Variants in ANXA5 observed in about 807,000 individuals in gnomAD.
ANXA5 encodes the protein CBP-I.
Under a neutral mutation model 48.1 loss-of-function variants are expected in ANXA5, and 40 were observed. The observed-to-expected ratio is 0.83, with a 90% CI of 0.65 to 1.08. The LOEUF is 1.08. Among genes scored for constraint, ANXA5 ranks in the 50% least tolerant of loss-of-function variants. The pLI, the probability that ANXA5 is intolerant of heterozygous loss-of-function variation, is 0.00. For synonymous variants in ANXA5, 113 were observed against 129.1 expected, an observed-to-expected ratio of 0.88 and a Z score of 0.85; for missense variants, 357 against 376.8, an observed-to-expected ratio of 0.95 and a Z score of 0.44.
At chr4:121,672,066 G>T (rs1724622808) in intron 9 of ANXA5, among the ~76,000 whole-genome samples, 1 of 152,092 alleles carries the variant, frequency 6.6e-6, no homozygotes, top group Admixed American at 6.6e-5. Flanking sequence ...AAACCAGAAA[G>T]ATCTCAGGTC....
At chr4:121,681,910 A>T (rs1724800083) in intron 5 of ANXA5, 149 bp from the exon 6 acceptor site, 1 of 564,930 alleles carries the variant, frequency 1.8e-6, no homozygotes, top group African/African-American at 1.9e-5. Flanking sequence ...TCTATTAGTT[A>T]TAGAAATAAC....
Position 121,677,948 on chromosome 4 carries a change from A to G in ANXA5, c.477T>C (p.Ala159=). The G allele has an allele frequency of 6.2e-7, 1 of 1,613,518 alleles. No homozygotes were observed. The stretch of plus-strand genomic sequence containing the variant: ...CAATTCCAGCATCAGGGTCTCTGTT[A>G]GCCTATGAGAGGTAATATGTCACAT... ...YQRMLVVLLQ[A]NRDPDAGIDE... Residue 159 remains alanine, a splice_region_variant and synonymous_variant, in exon 8 of 13, where the codon GCT becomes GCC. Coordinates refer to ENST00000296511, the MANE Select transcript of ANXA5 (RefSeq NM_001154.4).
At chr4:121,687,526 A>G (rs13151539) in intron 2 of ANXA5, among the ~76,000 whole-genome samples, 66,609 of 151,998 alleles carry the variant, frequency 0.44, 16,199 homozygotes, top group East Asian at 0.73. Context: ...ACAATCTTAC[A>G]TGTCTTATTA....
chr4:121,676,862 A>G (rs1392555181), intron 8 of ANXA5, among the ~76,000 whole-genome samples: 1 of 152,150 alleles, frequency 6.6e-6, no homozygotes, highest in African/African-American at 2.4e-5. Context: ...CTTGTAACCC[A>G]TTCAGGAACC....
intron 10 of ANXA5, among the ~76,000 whole-genome samples, chr4:121,671,001 C>T (rs995343650): frequency 6.6e-6 from 1 of 152,104 alleles, no homozygotes; most frequent in Non-Finnish European, 1.5e-5. Context: ...CTTTGGAGTA[C>T]ATAATACTGC....
rs1724734698 is a variant in ANXA5, at chr4:121,678,475, T to C, written c.414A>G (p.Glu138=). ...CTGAAGTGTCCCCCACCACGTCATC[T>C]TCCAGGCTTGAGCCATATTCTGCAA... ...VYEEEYGSSL[E]DDVVGDTSGY... is the part of the protein sequence containing the mutation. The change falls in exon 7 of 13, where the codon GAA becomes GAG. Residue 138 remains glutamate (E), a synonymous_variant. Transcript: ENST00000296511. 1 of 1,613,768 alleles carries C rather than the reference T, an allele frequency of 6.2e-7. No individual in the cohort carries two copies. Among genetic ancestry groups the C allele is most frequent in the Non-Finnish European group, 8.5e-7 (1 of 1,179,820 alleles).
In ANXA5 at chr4:121,686,384, A is replaced by C. The variant is rs1276285875; in HGVS notation, c.10-12T>G. On this transcript the variant is annotated splice_polypyrimidine_tract_variant and intron_variant, in intron 2 of 12. Coordinates refer to ENST00000296511, the MANE Select transcript of ANXA5 (RefSeq NM_001154.4). Reference sequence around the variant, plus strand: ...GTGCCTCTGAGAACCTAATTCACGAAACACAGTGGTATTATTCATATCATG... The same window carrying C: ...GTGCCTCTGAGAACCTAATTCACGACACACAGTGGTATTATTCATATCATG... 1.9e-6 allele frequency: 3 copies of C among 1,603,086 alleles called. No individual in the cohort carries two copies. The highest frequency in any genetic ancestry group is 2.6e-6 in the Non-Finnish European group (3 of 1,170,034).
chr4:121,688,028 C>T (rs889987021), intron 2 of ANXA5, among the ~76,000 whole-genome samples: 3 of 152,062 alleles, frequency 2.0e-5, no homozygotes, highest in Admixed American at 1.3e-4. Flanking sequence ...AGAGCCTTTG[C>T]GAGATAATTA....
At chr4:121,681,018 T>C (rs755018143) in intron 6 of ANXA5, among the ~76,000 whole-genome samples, 2 of 152,132 alleles carry the variant, frequency 1.3e-5, no homozygotes, top group Non-Finnish European at 2.9e-5. Flanking sequence ...CTGACCCTCC[T>C]CAGTCAGGCA....
intron 1 of ANXA5, 108 bp from the exon 2 acceptor site, chr4:121,696,732 C>T: frequency 3.1e-6 from 2 of 647,876 alleles, no homozygotes; most frequent in South Asian, 7.2e-5. Context: ...CGGAGGGCCC[C>T]GCCACGGGGC....
intron 2 of ANXA5, among the ~76,000 whole-genome samples, chr4:121,689,200 T>C (rs1255984994): frequency 6.6e-6 from 1 of 152,220 alleles, no homozygotes; most frequent in East Asian, 1.9e-4. Context: ...TTCTCTTTAA[T>C]GAGACCACTT....
At chr4:121,676,428 C>G (rs1305059159) in intron 8 of ANXA5, among the ~76,000 whole-genome samples, 1 of 152,090 alleles carries the variant, frequency 6.6e-6, no homozygotes, top group Non-Finnish European at 1.5e-5. Flanking sequence ...TCAGACAGGC[C>G]TCGTTAGGAA....
At chr4:121,690,268 C>T (rs13121588) in intron 2 of ANXA5, among the ~76,000 whole-genome samples, 66,147 of 151,620 alleles carry the variant, frequency 0.44, 15,892 homozygotes, top group East Asian at 0.73. Flanking sequence ...GCCACAGGAC[C>T]TTGGCTCCTG....
intron 2 of ANXA5, among the ~76,000 whole-genome samples, chr4:121,695,675 G>T (rs1271383415): frequency 6.6e-6 from 1 of 152,094 alleles, no homozygotes; most frequent in African/African-American, 2.4e-5. Flanking sequence ...GGCCGAGGCG[G>T]GAGGATCACT....
At chr4:121,671,743 C>T in intron 9 of ANXA5, 101 bp from the exon 10 acceptor site, 4 of 779,472 alleles carry the variant, frequency 5.1e-6, no homozygotes, top group Non-Finnish European at 8.5e-6. Flanking sequence ...ACACAAATCT[C>T]CCCTTCTTCC....
intron 2 of ANXA5, among the ~76,000 whole-genome samples, chr4:121,695,379 A>G (rs985197525): frequency 6.6e-6 from 1 of 152,202 alleles, no homozygotes; most frequent in African/African-American, 2.4e-5. Context: ...ACCTTTTTCA[A>G]TTTTGATAAG....
chr4:121,696,514 A>G, intron 2 of ANXA5, 67 bp downstream of exon 2: 3 of 1,309,838 alleles, frequency 2.3e-6, no homozygotes, highest in South Asian at 2.9e-5. Context: ...ACAAATCCTA[A>G]AAGTCCCTCG....
At chr4:121,684,801 G>A in intron 3 of ANXA5, 30 bp from the exon 4 acceptor site, 1 of 1,588,936 alleles carries the variant, frequency 6.3e-7, no homozygotes, top group African/African-American at 1.3e-5. Context: ...ATTACATTTT[G>A]GCTCCTACAT....
chr4:121,681,176 T>C (rs901498292), intron 6 of ANXA5, among the ~76,000 whole-genome samples: 2 of 152,104 alleles, frequency 1.3e-5, no homozygotes, highest in African/African-American at 4.8e-5. Flanking sequence ...AAAAGAAAAA[T>C]CAAAATGCAG....
Sources: gnomAD v4.1 joint callset for allele counts (sites outside exome capture counted in the v4.1 genomes callset) on GRCh38, gnomAD v4.1.1 for gene constraint, MANE v1.5 for transcripts, NCBI Gene and HGNC (gene_info 2026-07-23, HGNC 2026-07-21) for gene names.